NBAS: variants seen among roughly 807,000 people sequenced by gnomAD.
NBAS encodes the protein NAG/BC035112 fusion.
Under a neutral mutation model 302.5 loss-of-function variants are expected in NBAS, and 219 were observed. The ratio of observed to expected loss-of-function variants is 0.72; its 90% confidence interval spans 0.65 to 0.81. The LOEUF is 0.81. Ranked by LOEUF, NBAS falls within the 30% of genes least tolerant of loss-of-function variation. The pLI is 0.00. For missense variants in NBAS, 2,932 were observed against 2,841.6 expected (o/e 1.03, Z -0.72); for synonymous variants, 1,118 against 1,021.6 (o/e 1.09, Z -1.80).
At chr2:14,802,617 T>A in the NBAS span, among the ~76,000 whole-genome samples, 3 of 151,156 alleles carry the variant, frequency 2.0e-5, no homozygotes, top group African/African-American at 7.3e-5. Flanking sequence ...TTATTCACAA[T>A]AGCAAAGACT....
intron 21 of NBAS, among the ~76,000 whole-genome samples, chr2:15,438,875 G>C (rs1678175458): frequency 6.6e-6 from 1 of 152,160 alleles, no homozygotes; most frequent in Non-Finnish European, 1.5e-5. Flanking sequence ...CCAACCAAAG[G>C]AGCAGAAAGA....
the NBAS span, among the ~76,000 whole-genome samples, chr2:14,961,191 C>A: frequency 6.6e-6 from 1 of 152,120 alleles, no homozygotes; most frequent in African/African-American, 2.4e-5. Context: ...CTCAGGAGAG[C>A]AACCTTAGAG....
chr2:15,186,903 C>G (rs372369175), intron 49 of NBAS, 23 bp from the exon 50 acceptor site: 1 of 1,613,782 alleles, frequency 6.2e-7, no homozygotes, highest in Non-Finnish European at 8.5e-7. Flanking sequence ...GAGAAAAATA[C>G]AAGGCACTGG....
intron 2 of NBAS, 97 bp from the exon 3 acceptor site, chr2:15,556,916 G>C: frequency 1.1e-6 from 1 of 931,794 alleles, no homozygotes; most frequent in Non-Finnish European, 1.7e-6. Flanking sequence ...ATATACTACA[G>C]AGCGAGTCAT....
At chr2:15,152,269 T>A in the NBAS span, among the ~76,000 whole-genome samples, 1 of 152,222 alleles carries the variant, frequency 6.6e-6, no homozygotes, top group African/African-American at 2.4e-5. Flanking sequence ...ACTAACCAAG[T>A]CCATTATGAT....
chr2:14,891,842 C>A, the NBAS span, among the ~76,000 whole-genome samples: 1 of 152,168 alleles, frequency 6.6e-6, no homozygotes, highest in African/African-American at 2.4e-5. Context: ...TTTACCTTCA[C>A]CACATTCTAC....
chr2:14,854,427 A>T, the NBAS span, among the ~76,000 whole-genome samples: 1 of 151,704 alleles, frequency 6.6e-6, no homozygotes, highest in Non-Finnish European at 1.5e-5. Flanking sequence ...ACACCAACTT[A>T]ACAACCATCT....
the NBAS span, among the ~76,000 whole-genome samples, chr2:14,816,784 A>G: frequency 1.3e-5 from 2 of 152,184 alleles, no homozygotes; most frequent in African/African-American, 2.4e-5. Flanking sequence ...AGGAAAGATC[A>G]TGTTATATTT....
At chr2:15,328,353 G>A (rs757647989) in intron 36 of NBAS, 41 bp from the exon 37 acceptor site, 2 of 1,505,140 alleles carry the variant, frequency 1.3e-6, no homozygotes, top group African/African-American at 2.8e-5. Context: ...TAAAAAGAAA[G>A]AGAAGGCAAG....
At chr2:15,554,340 C>T (rs1344603154) in intron 3 of NBAS, among the ~76,000 whole-genome samples, 2 of 151,782 alleles carry the variant, frequency 1.3e-5, no homozygotes, top group Non-Finnish European at 2.9e-5. Flanking sequence ...TTCCAAAAAA[C>T]ACAGTGATGT....
At chr2:15,096,913 G>A in the NBAS span, among the ~76,000 whole-genome samples, 1 of 152,230 alleles carries the variant, frequency 6.6e-6, no homozygotes, top group Admixed American at 6.5e-5. Context: ...AGAGGAAACA[G>A]GAGCTTATAG....
intron 21 of NBAS, among the ~76,000 whole-genome samples, chr2:15,434,476 T>C (rs1432673995): frequency 1.3e-5 from 2 of 152,228 alleles, no homozygotes; most frequent in African/African-American, 2.4e-5. Context: ...ATAATTTCAA[T>C]GGCCTTGTAC....
At chr2:15,482,662 A>T (rs1178399894) in intron 12 of NBAS, among the ~76,000 whole-genome samples, 2 of 148,696 alleles carry the variant, frequency 1.3e-5, no homozygotes, top group Non-Finnish European at 3.0e-5. Context: ...AAAGGCAAGC[A>T]AAGAAAGGTA....
the NBAS span, among the ~76,000 whole-genome samples, chr2:14,878,536 C>A: frequency 2.0e-5 from 3 of 152,178 alleles, no homozygotes; most frequent in Non-Finnish European, 4.4e-5. Flanking sequence ...GCATCCAATA[C>A]TCCTGGAAGC....
At chr2:15,534,487 G>T in intron 9 of NBAS, 56 bp downstream of exon 9, 2 of 1,265,928 alleles carry the variant, frequency 1.6e-6, no homozygotes, top group South Asian at 1.2e-5. Context: ...TCTTCTATCT[G>T]AATCTATGCC....
At chr2:14,933,185 C>T in the NBAS span, among the ~76,000 whole-genome samples, 5 of 152,286 alleles carry the variant, frequency 3.3e-5, no homozygotes, top group South Asian at 8.3e-4. Context: ...AGAACTGAAT[C>T]CATGCCCCTG....
chr2:15,298,176 C>T (rs1670636261), intron 40 of NBAS, among the ~76,000 whole-genome samples: 1 of 152,124 alleles, frequency 6.6e-6, no homozygotes, highest in African/African-American at 2.4e-5. Flanking sequence ...GAGACCCCAT[C>T]TCTACGAGAA....
chr2:15,025,749 A>T, the NBAS span, among the ~76,000 whole-genome samples: 1 of 151,846 alleles, frequency 6.6e-6, no homozygotes, highest in Non-Finnish European at 1.5e-5. Flanking sequence ...TGCATTTCTG[A>T]TTTGGCTCTC....
At chr2:15,198,612 T>C (rs1420644044) in intron 48 of NBAS, among the ~76,000 whole-genome samples, 9 of 152,150 alleles carry the variant, frequency 5.9e-5, no homozygotes, top group African/African-American at 1.9e-4. Flanking sequence ...CTTGGGAACA[T>C]TGTGTATGTT....
Sources: gnomAD v4.1 joint callset for allele counts (sites outside exome capture counted in the v4.1 genomes callset) on GRCh38, gnomAD v4.1.1 for gene constraint, MANE v1.5 for transcripts, NCBI Gene and HGNC (gene_info 2026-07-23, HGNC 2026-07-21) for gene names.